WDFY4: variants seen among roughly 807,000 people sequenced by gnomAD.
WDFY4 encodes WD repeat- and FYVE domain-containing protein 4.
In WDFY4, 169 loss-of-function variants were observed where a neutral mutation model predicts 351.9. The observed-to-expected ratio is 0.48, with a 90% CI of 0.42 to 0.55. WDFY4 has a LOEUF of 0.55. WDFY4 is among the 20% of genes least tolerant of loss of function. The pLI, the probability that WDFY4 is intolerant of heterozygous loss-of-function variation, is 0.00. For missense variants in WDFY4, 3,803 were observed against 3,935.6 expected (o/e 0.97, Z 0.90); for synonymous variants, 1,622 against 1,574.6 (o/e 1.03, Z -0.71).
intron 53 of WDFY4, 98 bp downstream of exon 53, chr10:48,959,911 C>A: frequency 1.8e-6 from 2 of 1,086,352 alleles, no homozygotes; most frequent in Non-Finnish European, 2.7e-6. Context: ...CAGTGACCAG[C>A]ACTGTGAGGC....
chr10:48,774,530 G>A lies in WDFY4; in HGVS notation c.2626G>A (p.Val876Ile). 6.4e-7 allele frequency: 1 copy of A among 1,551,770 alleles called. No homozygotes were observed. The highest frequency in any genetic ancestry group is 8.7e-7 in the Non-Finnish European group (1 of 1,147,002). ...GGTGAAGTCGGAGAAGAACCGCCAGGTCATGTGCGAAGCAGGCTTGCTTGG... is the reference window on the plus strand; with the variant it reads ...GGTGAAGTCGGAGAAGAACCGCCAGATCATGTGCGAAGCAGGCTTGCTTGG... The part of the protein sequence containing the change: ...SLVKSEKNRQ[V>I]MCEAGLLGTL... The change falls in exon 14 of 62, where the codon GTC (valine) becomes ATC (isoleucine). Residue 876 changes from valine to isoleucine, a missense_variant. Val to Ile is a conservative substitution (Grantham distance 29). This residue lies in a region of WDFY4 where 3,054 missense variants were observed against 3,148.6 expected (regional missense o/e 0.97). Transcript: ENST00000325239.
chr10:48,848,780 CCGAGGAGG>C (rs1160896602), intron 39 of WDFY4, among the ~76,000 whole-genome samples: 1 of 152,172 alleles, frequency 6.6e-6, no homozygotes, highest in Non-Finnish European at 1.5e-5. Flanking sequence ...CTGTGGCACC[CCGAGGAGG>C]CGAGCTGGGA....
chr10:48,957,200 G>T lies in WDFY4; in HGVS notation c.8049G>T (p.Glu2683Asp). 1 of 1,551,670 alleles carries T rather than the reference G, an allele frequency of 6.4e-7. No individual in the cohort carries two copies. Among genetic ancestry groups the T allele is most frequent in the South Asian group, 1.2e-5 (1 of 84,050 alleles). ...GCACGTGGGAGTCGGCCTCCAGAGA[G>T]AACATGAGTGACGTCAGGGAGCTGA... is the stretch of plus-strand genomic sequence containing the variant. ...VKSTWESASR[E>D]NMSDVRELTP... Residue 2683 changes from glutamate to aspartate, a missense_variant, in exon 52 of 62, where the codon GAG becomes GAT. Coordinates refer to ENST00000325239, the MANE Select transcript of WDFY4 (RefSeq NM_001394531.1).
At chr10:48,957,041 C>A (rs958398213) in intron 51 of WDFY4, 88 bp from the exon 52 acceptor site, 19 of 1,479,452 alleles carry the variant, frequency 1.3e-5, no homozygotes, top group Non-Finnish European at 1.6e-5. Context: ...ATGGTGGAAC[C>A]CGTGCCTCTG....
chr10:48,787,935 T>TCTTCTC (rs2066519278), intron 20 of WDFY4, among the ~76,000 whole-genome samples: 2 of 96,360 alleles, frequency 2.1e-5, no homozygotes, highest in Non-Finnish European at 4.0e-5. Flanking sequence ...TTCTTCTTCT[T>TCTTCTC]CTTCTTCTTC....
At chr10:48,915,393 GCCT>G (rs1328625708) in intron 47 of WDFY4, among the ~76,000 whole-genome samples, 3 of 146,602 alleles carry the variant, frequency 2.0e-5, no homozygotes, top group Non-Finnish European at 4.5e-5. Context: ...CTTTTTAAAG[GCCT>G]CCTGTGCCTC....
At chr10:48,753,843 A>G (rs1442441367) in intron 12 of WDFY4, among the ~76,000 whole-genome samples, 3 of 152,228 alleles carry the variant, frequency 2.0e-5, no homozygotes, top group African/African-American at 7.2e-5. Flanking sequence ...GTTTCCTACA[A>G]TTCCACATGA....
In WDFY4 at chr10:48,778,623, C is replaced by T. The variant is rs369303732; in HGVS notation, c.3188C>T (p.Pro1063Leu). ...TGTTCCCACCCAGGTGCCACCAGAC[C>T]GTTCCCTCCTCCTGGAGGTCTGACC... ...SGGIGTGATR[P>L]FPPPGGLTFS... Residue 1063 changes from proline (P) to leucine (L), a missense_variant, in exon 18 of 62, where the codon CCG becomes CTG. By Grantham distance (98) the Pro-to-Leu change is moderately conservative. This residue lies in a region of WDFY4 where 3,054 missense variants were observed against 3,148.6 expected (regional missense o/e 0.97). Coordinates refer to ENST00000325239, the MANE Select transcript of WDFY4 (RefSeq NM_001394531.1). 48 of 1,551,066 alleles carry T rather than the reference C, an allele frequency of 3.1e-5. No homozygotes were observed. In the Middle Eastern group the frequency reaches 7.1e-4, roughly 23 times the overall value.
At chr10:48,957,024 G>A (rs1266941401) in intron 51 of WDFY4, 105 bp from the exon 52 acceptor site, 1 of 1,406,970 alleles carries the variant, frequency 7.1e-7, no homozygotes, top group Non-Finnish European at 9.5e-7. Context: ...GTAAATGAGA[G>A]GAGCTAATGG....
intron 33 of WDFY4, 136 bp downstream of exon 33, chr10:48,820,573 G>A (rs1209744679): frequency 2.0e-6 from 2 of 999,422 alleles, no homozygotes; most frequent in Non-Finnish European, 2.9e-6. Context: ...TGAACCATGG[G>A]CCCCAAAAAA....
intron 24 of WDFY4, among the ~76,000 whole-genome samples, chr10:48,797,254 GT>G (rs2066907873): frequency 6.6e-6 from 1 of 152,178 alleles, no homozygotes; most frequent in South Asian, 2.1e-4. Flanking sequence ...GTTTGTGTTG[GT>G]TGCAAGAGCA....
chr10:48,944,839 A>T (rs1181068471), intron 49 of WDFY4, among the ~76,000 whole-genome samples: 1 of 152,176 alleles, frequency 6.6e-6, no homozygotes. Flanking sequence ...TTTCTCCTTT[A>T]AAAAAATCTG....
rs1196513967 is a variant in WDFY4 at position 48,778,249 on chromosome 10, A to G, written c.3176-362A>G. Among the ~76,000 whole-genome samples the G allele has an allele frequency of 2.6e-5, 4 of 152,250 alleles. No individual in the cohort carries two copies. In the East Asian group the frequency reaches 7.7e-4, roughly 29 times the overall value. The stretch of plus-strand genomic sequence containing the variant: ...TGATCCTGCCTGTTCTGTGAGGACA[A>G]TGGACCTGTCTATATCGCCAACCCT... On this transcript the variant is annotated intron_variant, in intron 17 of 61. Transcript: ENST00000325239.
At chr10:48,765,451 C>A (rs2065638426) in intron 13 of WDFY4, among the ~76,000 whole-genome samples, 1 of 152,190 alleles carries the variant, frequency 6.6e-6, no homozygotes, top group Non-Finnish European at 1.5e-5. Flanking sequence ...TGGAGCAATG[C>A]ATGGAGCTTA....
chr10:48,845,042 A>G (rs2068729669), intron 39 of WDFY4, among the ~76,000 whole-genome samples: 1 of 152,210 alleles, frequency 6.6e-6, no homozygotes, highest in African/African-American at 2.4e-5. Context: ...AGCTTGGGAA[A>G]GGACCCAGCA....
chr10:48,971,488 T>A (rs1156408401), intron 57 of WDFY4, among the ~76,000 whole-genome samples: 1 of 149,576 alleles, frequency 6.7e-6, no homozygotes, highest in African/African-American at 2.5e-5. Context: ...AGAGCGAGAC[T>A]CTGTCTCAAA....
At position 48,963,911 on chromosome 10, in the gene WDFY4, C is replaced by A; in HGVS notation, c.8293C>A (p.Gln2765Lys). 1 of 1,551,534 alleles carries A rather than the reference C, an allele frequency of 6.4e-7. No individual in the cohort carries two copies. The highest frequency in any genetic ancestry group is 8.7e-7 in the Non-Finnish European group (1 of 1,146,986). ...AGACCTTATTTTTGGGTACAAGCAG[C>A]AGGGGCCAGCCGCAGTGGATGCTGT... Reference protein sequence around the residue: ...WIDLIFGYKQQGPAAVDAVNI... With the variant: ...WIDLIFGYKQKGPAAVDAVNI... The change falls in exon 54 of 62, where the codon CAG becomes AAG. Residue 2765 changes from glutamine (Q) to lysine (K), a missense_variant. Gln to Lys is a moderately conservative substitution (Grantham distance 53). Transcript: ENST00000325239.
At chr10:48,694,096 T>C (rs563605023) in intron 1 of WDFY4, among the ~76,000 whole-genome samples, 1 of 152,340 alleles carries the variant, frequency 6.6e-6, no homozygotes, top group South Asian at 2.1e-4. Flanking sequence ...AATGGGATGA[T>C]TGTGTGACCA....
chr10:48,845,896 G>A (rs545380247), intron 39 of WDFY4, among the ~76,000 whole-genome samples: 82 of 152,290 alleles, frequency 5.4e-4, no homozygotes, highest in African/African-American at 1.6e-3. Flanking sequence ...TGGAGTGGTA[G>A]GCAAGAGGGT....
Sources: allele counts gnomAD v4.1 joint callset (sites outside exome capture counted in the v4.1 genomes callset), GRCh38; gene constraint gnomAD v4.1.1; regional missense constraint gnomAD v4.1.1; transcripts MANE v1.5; gene names NCBI Gene and HGNC (gene_info 2026-07-23, HGNC 2026-07-21).